The following OTUD7A variants were observed in gnomAD, a reference collection of about 807,000 sequenced individuals.
The protein encoded by OTUD7A is OTU domain-containing protein 7A.
Under a neutral mutation model 65.7 loss-of-function variants are expected in OTUD7A, and 12 were observed. The observed-to-expected ratio is 0.18, with a 90% confidence interval of 0.12 to 0.30. The LOEUF (loss-of-function observed/expected upper bound fraction) is 0.30. Among genes scored for constraint, OTUD7A ranks in the 10% least tolerant of loss-of-function variants. The pLI is 1.00. For synonymous variants in OTUD7A, 641 were observed against 586.3 expected, an observed-to-expected ratio of 1.09 and a Z score of -1.35; for missense variants, 1,148 against 1,304.8, an observed-to-expected ratio of 0.88 and a Z score of 1.85.
intron 10 of OTUD7A, among the ~76,000 whole-genome samples, chr15:31,495,085 G>T (rs568900749): frequency 7.9e-5 from 12 of 152,184 alleles, no homozygotes; most frequent in Non-Finnish European, 1.6e-4. Context: ...TGTAGCTCAG[G>T]AGGGGACAGG....
At chr15:31,843,039 C>T (rs1235076867) in intron 1 of OTUD7A, among the ~76,000 whole-genome samples, 1 of 151,996 alleles carries the variant, frequency 6.6e-6, no homozygotes, top group Non-Finnish European at 1.5e-5. Context: ...CTATGCAGAC[C>T]CTAGTCCCCA....
intron 8 of OTUD7A, among the ~76,000 whole-genome samples, chr15:31,524,191 C>G (rs2041978518): frequency 6.6e-6 from 1 of 151,678 alleles, no homozygotes; most frequent in South Asian, 2.1e-4. Flanking sequence ...GTTGCTGAAA[C>G]CCTAGAAATG....
chr15:31,504,491 G>C (rs1261724131), intron 8 of OTUD7A, among the ~76,000 whole-genome samples: 1 of 152,232 alleles, frequency 6.6e-6, no homozygotes, highest in Non-Finnish European at 1.5e-5. Flanking sequence ...TCGGGCAGAA[G>C]GTGGCAGCCT....
At chr15:31,615,822 C>A (rs946288967) in intron 3 of OTUD7A, among the ~76,000 whole-genome samples, 1 of 152,204 alleles carries the variant, frequency 6.6e-6, no homozygotes, top group East Asian at 1.9e-4. Flanking sequence ...CAGGTACCAA[C>A]AGAGACCCCA....
At chr15:31,816,836 A>AAC (rs1207754594) in intron 1 of OTUD7A, among the ~76,000 whole-genome samples, 4 of 152,208 alleles carry the variant, frequency 2.6e-5, no homozygotes, top group Non-Finnish European at 5.9e-5. Flanking sequence ...TATGTTTTTC[A>AAC]TATGCACTCA....
chr15:31,568,867 C>T (rs926599387), intron 4 of OTUD7A, among the ~76,000 whole-genome samples: 1 of 152,198 alleles, frequency 6.6e-6, no homozygotes, highest in Non-Finnish European at 1.5e-5. Flanking sequence ...TGCCTGTTCC[C>T]CCTTTGCCTT....
chr15:31,797,072 C>T (rs1438851223), intron 1 of OTUD7A, among the ~76,000 whole-genome samples: 4 of 152,054 alleles, frequency 2.6e-5, no homozygotes, highest in East Asian at 1.9e-4. Context: ...CATGGGGGTG[C>T]GGGGGGAAGC....
chr15:31,588,723 G>A lies in OTUD7A; in HGVS notation c.152-18526C>T, dbSNP rs117378303. Among the ~76,000 whole-genome samples, 159 of 152,266 alleles carry A rather than the reference G, an allele frequency of 1.0e-3. 1 individual carries two copies. Among genetic ancestry groups the A allele is most frequent in the Non-Finnish European group, 1.9e-3 (130 of 68,030 alleles). ...GGTTCCGCTCCACACACTCATCCAG[G>A]GATCCAGGTACCATCTTCCACACGT... On this transcript the variant is annotated intron_variant, in intron 3 of 12. Transcript: ENST00000307050.
intron 4 of OTUD7A, 140 bp from the exon 5 acceptor site, chr15:31,559,327 T>C (rs1888606230): frequency 2.6e-6 from 2 of 771,646 alleles, no homozygotes; most frequent in Non-Finnish European, 4.1e-6. Context: ...CACATGCACA[T>C]ACCACACAAC....
intron 12 of OTUD7A, among the ~76,000 whole-genome samples, chr15:31,485,406 T>C (rs2041223022): frequency 6.6e-6 from 1 of 152,150 alleles, no homozygotes; most frequent in Admixed American, 6.5e-5. Context: ...AATGCTAAAT[T>C]GAGGAGGATT....
chr15:31,748,247 T>C (rs1258748058), intron 1 of OTUD7A, among the ~76,000 whole-genome samples: 2 of 152,016 alleles, frequency 1.3e-5, no homozygotes, highest in East Asian at 1.9e-4. Context: ...AAAGAAAATA[T>C]GCACTGAAAT....
intron 1 of OTUD7A, among the ~76,000 whole-genome samples, chr15:31,798,838 G>A (rs1325851230): frequency 6.6e-6 from 1 of 152,238 alleles, no homozygotes; most frequent in Non-Finnish European, 1.5e-5. Flanking sequence ...CATGGCTGAG[G>A]AGCTCTGTGC....
intron 1 of OTUD7A, among the ~76,000 whole-genome samples, chr15:31,867,018 T>G (rs551395399): frequency 6.6e-6 from 1 of 152,228 alleles, no homozygotes; most frequent in East Asian, 1.9e-4. Flanking sequence ...GGAACCTCAG[T>G]AGGAGAGAGG....
At position 31,870,554 on chromosome 15, in the gene OTUD7A, G is replaced by C. The variant is rs1439883797; in HGVS notation, c.-147C>G. 1 of 147,892 alleles carries C rather than the reference G, an allele frequency of 6.8e-6. No homozygotes were observed. 9.2% of individuals were successfully genotyped at this position (147,892 alleles called of 1,614,324 possible). On this transcript the variant is annotated 5_prime_UTR_variant, in exon 1 of 13. Transcript: ENST00000307050. ...TCCGCCAGCCCGCAGCGCCGCAGTC[G>C]CCGCTACCCGACTTCCATTTTCTCT...
chr15:31,592,642 A>AGG (rs1255063198), intron 3 of OTUD7A, among the ~76,000 whole-genome samples: 1 of 151,782 alleles, frequency 6.6e-6, no homozygotes. Flanking sequence ...GCATTTTGGG[A>AGG]GGCTGAGGCG....
intron 1 of OTUD7A, among the ~76,000 whole-genome samples, chr15:31,804,925 G>A (rs1896229409): frequency 6.6e-6 from 1 of 152,236 alleles, no homozygotes; most frequent in Non-Finnish European, 1.5e-5. Flanking sequence ...AATTGCTAAA[G>A]AAATAATGGG....
Position 31,555,105 on chromosome 15 carries a change from C to G in OTUD7A, c.550+3864G>C, listed in dbSNP as rs373696140. Among the ~76,000 whole-genome samples the G allele has an allele frequency of 2.5e-4, 38 of 152,218 alleles. No homozygotes were observed. In the South Asian group the frequency reaches 7.2e-3, roughly 29 times the overall value. ...GTGGCTCGGGAGGCCAGGCAGATAC[C>G]ACGCAGGGCCCCAGGAGAGTGGAAT... On this transcript the variant is annotated intron_variant, in intron 5 of 12. Coordinates refer to ENST00000307050, the MANE Select transcript of OTUD7A (RefSeq NM_001382637.1).
intron 1 of OTUD7A, among the ~76,000 whole-genome samples, chr15:31,808,098 A>ACACAC (rs796547270): frequency 2.1e-5 from 2 of 95,800 alleles, no homozygotes; most frequent in East Asian, 3.9e-4. Context: ...ACAAATGCCA[A>ACACAC]ACACACACAC....
At chr15:31,758,290 A>C (rs1174439807) in intron 1 of OTUD7A, among the ~76,000 whole-genome samples, 1 of 152,128 alleles carries the variant, frequency 6.6e-6, no homozygotes, top group East Asian at 1.9e-4. Flanking sequence ...CAAAACAGGA[A>C]ACAATAGTGC....
Sources: allele counts gnomAD v4.1 joint callset (sites outside exome capture counted in the v4.1 genomes callset), GRCh38; gene constraint gnomAD v4.1.1; transcripts MANE v1.5; gene names NCBI Gene and HGNC (gene_info 2026-07-23, HGNC 2026-07-21).